Variants in EPHB6 observed in about 807,000 individuals in gnomAD.
The protein encoded by EPHB6 is ephrin type-B receptor 6.
EPHB6 carries 51 observed loss-of-function variants against 107.0 expected under a neutral mutation model. That is an observed-to-expected ratio of 0.48 (90% CI 0.38 to 0.60). The LOEUF (loss-of-function observed/expected upper bound fraction) is 0.60. Ranked by LOEUF, EPHB6 falls within the 20% of genes least tolerant of loss-of-function variation. The probability of loss-of-function intolerance (pLI) is 0.00; values close to 1 mark genes in which losing one functional copy is unlikely to be tolerated. For synonymous variants in EPHB6, 553 were observed against 549.0 expected (o/e 1.01, Z -0.10); for missense variants, 1,141 against 1,355.5 (o/e 0.84, Z 2.48).
chr7:142,857,320 G>A (rs367744476), intron 1 of EPHB6, among the ~76,000 whole-genome samples: 49 of 152,330 alleles, frequency 3.2e-4, no homozygotes, highest in Admixed American at 1.1e-3. Context: ...TAGAAGAGCC[G>A]GAGGACAGCC....
Position 142,867,478 on chromosome 7 carries a change from T to C in EPHB6, c.1751-130T>C. On this transcript the variant is annotated intron_variant, in intron 11 of 19. Transcript: ENST00000652003. This position sits in a 1 kb window ranked among gnomAD's most constrained non-coding sequence, Gnocchi z 5.3. ...TGTGTGTGTTGTGTGTCCCTGTGCA[T>C]GGATGTGGGAGGTTTGGGGCATGCG... 1.3e-6 allele frequency: 1 copy of C among 760,310 alleles called. No homozygotes were observed. The allele number at this position is 760,310 out of a possible 1,614,324, so 47.1% of individuals were successfully genotyped here.
In EPHB6 at chr7:142,866,486, T is replaced by C. The variant is rs1019785692; in HGVS notation, c.1468T>C (p.Ser490Pro). The C allele has an allele frequency of 6.2e-6, 10 of 1,614,052 alleles. No homozygotes were observed. The highest frequency in any genetic ancestry group is 1.3e-5 in the African/African-American group (1 of 74,932). ...INVSTSHEVPSAVPVVHQVSR... is the reference protein window; with the variant it reads ...INVSTSHEVPPAVPVVHQVSR... ...ATTTTCCTTTTGCACTCTAGTGCCC[T>C]CTGCTGTCCCTGTGGTGCACCAGGT... The change falls in exon 10 of 20, where the codon TCT becomes CCT. Residue 490 changes from serine (S) to proline (P), a missense_variant. Around this residue, in one of 3 missense-constraint regions of EPHB6, gnomAD observed 616 missense variants for 759.3 expected, o/e 0.81. Transcript: ENST00000652003. This position sits in a 1 kb window ranked among gnomAD's most constrained non-coding sequence, Gnocchi z 5.2.
chr7:142,865,509 G>A lies in EPHB6; in HGVS notation c.984G>A (p.Gly328=). 2 of 1,613,262 alleles carry A rather than the reference G, an allele frequency of 1.2e-6. No individual in the cohort carries two copies. The highest frequency in any genetic ancestry group is 8.5e-7 in the Non-Finnish European group (1 of 1,179,986). Residue 328 remains glycine (G), a synonymous_variant, in exon 8 of 20, where the codon GGG becomes GGA. Coordinates refer to ENST00000652003, the MANE Select transcript of EPHB6 (RefSeq NM_004445.6). ...GGGGGCTCTATAAGGCTTCTGCTGGGAATGCTCCCTGCTCACCATGCCCTG... is the reference window on the plus strand; with the variant it reads ...GGGGGCTCTATAAGGCTTCTGCTGGAAATGCTCCCTGCTCACCATGCCCTG... ...CPRGLYKASA[G]NAPCSPCPAR...
At position 142,863,113 on chromosome 7, in the gene EPHB6, G is replaced by A. The variant is rs1802922852; in HGVS notation, c.-101-14G>A. On this transcript the variant is annotated splice_polypyrimidine_tract_variant and intron_variant, in intron 4 of 19. Transcript: ENST00000652003. ...CTTCCCACCTGCCTCTTCTGGTCTT[G>A]TGTGTCTCCTCAGGAAGCAAGCTTA... 2 of 816,376 alleles carry A rather than the reference G, an allele frequency of 2.4e-6. No individual in the cohort carries two copies. The highest frequency in any genetic ancestry group is 1.6e-5 in the South Asian group (1 of 62,962). 50.6% of individuals were successfully genotyped at this position (816,376 alleles called of 1,614,324 possible). A position where few individuals can be genotyped will look rare whatever the true frequency, so the allele number is the denominator to read the frequency against.
rs566950822 is a variant in EPHB6 at position 142,867,232 on chromosome 7, C to G, written c.1750+164C>G. The G allele has an allele frequency of 2.4e-6, 2 of 846,276 alleles. No homozygotes were observed. Among genetic ancestry groups the G allele is most frequent in the African/African-American group, 3.4e-5 (2 of 58,150 alleles). The allele number at this position is 846,276 out of a possible 1,614,324, so 52.4% of individuals were successfully genotyped here. On this transcript the variant is annotated intron_variant, in intron 11 of 19. Coordinates refer to ENST00000652003, the MANE Select transcript of EPHB6 (RefSeq NM_004445.6). The surrounding 1 kb of genome is among the most constrained non-coding windows in gnomAD (Gnocchi z 5.3). Reference sequence around the variant, plus strand: ...CTCAGCAGCTGACCTAGGGGCTACTCGGGGAGGTGGGGAATTGTAGGGGTA... The same window carrying G: ...CTCAGCAGCTGACCTAGGGGCTACTGGGGGAGGTGGGGAATTGTAGGGGTA...
At chr7:142,870,452 A>G in intron 18 of EPHB6, 45 bp downstream of exon 18, 1 of 1,613,906 alleles carries the variant, frequency 6.2e-7, no homozygotes, top group South Asian at 1.1e-5. Flanking sequence ...GGGAGGGTAG[A>G]TGCAAACCTA....
chr7:142,868,578 G>A lies in EPHB6; in HGVS notation c.2125G>A (p.Gly709Ser). The change falls in exon 15 of 20, where the codon GGC (glycine) becomes AGC (serine). Residue 709 changes from glycine to serine, a missense_variant. By Grantham distance (56) the Gly-to-Ser change is moderately conservative. Transcript: ENST00000652003. The surrounding 1 kb of genome is among the most constrained non-coding windows in gnomAD (Gnocchi z 4.2). The part of the protein sequence containing the change: ...TVAIQALWAG[G>S]AESLQMTFLG... ...GGCCATCCAGGCCCTGTGGGCCGGGGGCGCCGAAAGCCTGCAGATGACCTT... is the reference window on the plus strand; with the variant it reads ...GGCCATCCAGGCCCTGTGGGCCGGGAGCGCCGAAAGCCTGCAGATGACCTT... The A allele has an allele frequency of 6.2e-7, 1 of 1,613,466 alleles. No homozygotes were observed. The highest frequency in any genetic ancestry group is 8.5e-7 in the Non-Finnish European group (1 of 1,179,942).
rs377257395 is a variant in EPHB6, at chr7:142,868,245, C to G, written c.1923C>G (p.Leu641=). ...EQLQQYSSPG[L]GVKYYIDPST... is the part of the protein sequence containing the mutation. ...ACATACTCCACACCCCTCCAGGACT[C>G]GGGGTGAAGTATTACATCGACCCCT... The change falls in exon 14 of 20, where the codon CTC becomes CTG. Residue 641 remains leucine, a synonymous_variant. Coordinates refer to ENST00000652003, the MANE Select transcript of EPHB6 (RefSeq NM_004445.6). This position sits in a 1 kb window ranked among gnomAD's most constrained non-coding sequence, Gnocchi z 4.2. 3.2e-5 allele frequency: 52 copies of G among 1,614,028 alleles called. No individual in the cohort carries two copies. The highest frequency in any genetic ancestry group is 4.1e-5 in the Non-Finnish European group (48 of 1,180,026).
chr7:142,867,048 A>G lies in EPHB6; in HGVS notation c.1730A>G (p.Tyr577Cys). ...AGHGPYGGKV[Y>C]FQTLPQGELS... The stretch of plus-strand genomic sequence containing the variant: ...CACGGCCCCTACGGGGGCAAAGTCT[A>G]TTTCCAGACACTTCCTCAAGGTGAG... The change falls in exon 11 of 20, where the codon TAT becomes TGT. Residue 577 changes from tyrosine (Y) to cysteine (C), a missense_variant. Transcript: ENST00000652003. This position sits in a 1 kb window ranked among gnomAD's most constrained non-coding sequence, Gnocchi z 5.3. 6.2e-7 allele frequency: 1 copy of G among 1,613,696 alleles called. No individual in the cohort carries two copies. The highest frequency in any genetic ancestry group is 8.5e-7 in the Non-Finnish European group (1 of 1,179,970).
intron 3 of EPHB6, 115 bp from the exon 4 acceptor site, chr7:142,862,641 A>AG (rs1802895732): frequency 6.5e-6 from 1 of 152,718 alleles, no homozygotes; most frequent in African/African-American, 2.4e-5. Context: ...TTTCTAGAGC[A>AG]TCCAGGTCCA....
At chr7:142,856,110 C>T (rs1463299500) in intron 1 of EPHB6, among the ~76,000 whole-genome samples, 1 of 152,214 alleles carries the variant, frequency 6.6e-6, no homozygotes, top group African/African-American at 2.4e-5. Context: ...TCCCTGGCAG[C>T]GCCCATGGAG....
At position 142,855,095 on chromosome 7, in the gene EPHB6, C is replaced by T. The variant is rs1041370331; in HGVS notation, c.-722C>T. ...CGGGCCGGGCTGCGTTCGCTCCAGCCGCGGCTCTACAGCAGCGGGCGGCGG... is the reference window on the plus strand; with the variant it reads ...CGGGCCGGGCTGCGTTCGCTCCAGCTGCGGCTCTACAGCAGCGGGCGGCGG... On this transcript the variant is annotated 5_prime_UTR_variant, in exon 1 of 20. Coordinates refer to ENST00000652003, the MANE Select transcript of EPHB6 (RefSeq NM_004445.6). This position sits in a 1 kb window ranked among gnomAD's most constrained non-coding sequence, Gnocchi z 4.2. 3 of 152,246 alleles carry T rather than the reference C, an allele frequency of 2.0e-5. No individual in the cohort carries two copies. The highest frequency in any genetic ancestry group is 2.9e-5 in the Non-Finnish European group (2 of 68,096). 9.4% of individuals were successfully genotyped at this position (152,246 alleles called of 1,614,324 possible). A position where few individuals can be genotyped will look rare whatever the true frequency, so the allele number is the denominator to read the frequency against.
chr7:142,867,942 G>A lies in EPHB6; in HGVS notation c.1866-55G>A, dbSNP rs1258266963. 5.2e-6 allele frequency: 8 copies of A among 1,549,558 alleles called. No homozygotes were observed. In the East Asian group the frequency reaches 1.2e-4, roughly 24 times the overall value. On this transcript the variant is annotated intron_variant, in intron 12 of 19. Transcript: ENST00000652003. This position sits in a 1 kb window ranked among gnomAD's most constrained non-coding sequence, Gnocchi z 5.3. ...GAGCAGTCTGGAGGGTGACAAGGGG[G>A]CAGCAAGGGGGTGGAAATGGGAGCG... is the stretch of plus-strand genomic sequence containing the variant.
At chr7:142,863,764 AT>A in intron 6 of EPHB6, 69 bp downstream of exon 6, 1 of 1,562,106 alleles carries the variant, frequency 6.4e-7, no homozygotes, top group Non-Finnish European at 8.8e-7. Context: ...GGAGAGTGGA[AT>A]TCATGAAGGA....
At chr7:142,860,011 C>T (rs975261905) in intron 1 of EPHB6, among the ~76,000 whole-genome samples, 1 of 152,152 alleles carries the variant, frequency 6.6e-6, no homozygotes, top group Non-Finnish European at 1.5e-5. Context: ...CCTTGTAGTT[C>T]GGGTCATCAA....
In EPHB6 at chr7:142,867,339, G is replaced by C. The variant is rs1379319016; in HGVS notation, c.1751-269G>C. ...GTGTCCCTGGGTGTGGATGTGGGAG[G>C]GCTGTGGGCGTGTGTGTGTGTTGTG... On this transcript the variant is annotated intron_variant, in intron 11 of 19. Transcript: ENST00000652003. This position sits in a 1 kb window ranked among gnomAD's most constrained non-coding sequence, Gnocchi z 5.3. The C allele has an allele frequency of 3.2e-6, 2 of 630,552 alleles. No individual in the cohort carries two copies. The highest frequency in any genetic ancestry group is 2.5e-5 in the Admixed American group (1 of 40,544). The allele number at this position is 630,552 out of a possible 1,614,324, so 39.1% of individuals were successfully genotyped here. A position where few individuals can be genotyped will look rare whatever the true frequency, so the allele number is the denominator to read the frequency against.
Position 142,870,847 on chromosome 7 carries a change from G to A in EPHB6, c.3012G>A (p.Leu1004=), listed in dbSNP as rs926204864. 6.2e-7 allele frequency: 1 copy of A among 1,614,120 alleles called. No homozygotes were observed. The highest frequency in any genetic ancestry group is 2.2e-5 in the East Asian group (1 of 44,878). The change falls in exon 20 of 20, where the codon CTG becomes CTA. Residue 1004 remains leucine (L), a synonymous_variant. Coordinates refer to ENST00000652003, the MANE Select transcript of EPHB6 (RefSeq NM_004445.6). ...ITLAGHQKKL[L]HHIQLLQQHL... is the part of the protein sequence containing the mutation. The stretch of plus-strand genomic sequence containing the variant: ...TGGCTGGCCACCAGAAGAAGCTGCT[G>A]CACCACATCCAGCTCCTTCAGCAAC...
intron 1 of EPHB6, among the ~76,000 whole-genome samples, chr7:142,856,851 A>G (rs1802633064): frequency 6.6e-6 from 1 of 151,718 alleles, no homozygotes. Flanking sequence ...ACAGGAAAGC[A>G]ACAGCCCCCA....
In EPHB6 at chr7:142,864,649, C is replaced by CA. The variant is rs1554520591; in HGVS notation, c.850dup (p.Arg284LysfsTer41). Reference sequence around the variant, plus strand: ...GGGGCCAGGCAGGAGGCAGCCCCCCCAGGCTGCACTGCAACGGGGAGGGCA... The same window carrying CA: ...GGGGCCAGGCAGGAGGCAGCCCCCCCAAGGCTGCACTGCAACGGGGAGGGCA... On this transcript the variant is annotated frameshift_variant, in exon 7 of 20. Coordinates refer to ENST00000652003, the MANE Select transcript of EPHB6 (RefSeq NM_004445.6). LOFTEE classifies it high-confidence loss of function. The CA allele has an allele frequency of 6.2e-7, 1 of 1,612,702 alleles. No individual in the cohort carries two copies. The highest frequency in any genetic ancestry group is 8.5e-7 in the Non-Finnish European group (1 of 1,179,760).
Sources: gnomAD v4.1 joint callset for allele counts (sites outside exome capture counted in the v4.1 genomes callset) on GRCh38, gnomAD v4.1.1 for gene constraint, gnomAD v4.1.1 regional missense constraint, Gnocchi (gnomAD v3.1) non-coding constraint, MANE v1.5 for transcripts, NCBI Gene and HGNC (gene_info 2026-07-23, HGNC 2026-07-21) for gene names.